The following CTNNA3 variants were observed in gnomAD, a reference collection of about 807,000 sequenced individuals.
The protein encoded by CTNNA3 is catenin alpha 3, also known as catenin alpha-3.
Under a neutral mutation model 95.7 loss-of-function variants are expected in CTNNA3, and 76 were observed. That is an observed-to-expected ratio of 0.79 (90% CI 0.66 to 0.96). The LOEUF is 0.96. Ranked by LOEUF, CTNNA3 falls within the 40% of genes least tolerant of loss-of-function variation. The pLI, the probability that CTNNA3 is intolerant of heterozygous loss-of-function variation, is 0.00. For missense variants in CTNNA3, 1,191 were observed against 1,089.8 expected (o/e 1.09, Z -1.31); for synonymous variants, 431 against 374.4 (o/e 1.15, Z -1.74).
At chr10:66,033,959 G>T (rs969006850) in intron 15 of CTNNA3, among the ~76,000 whole-genome samples, 9 of 152,160 alleles carry the variant, frequency 5.9e-5, no homozygotes, top group Admixed American at 5.9e-4. Context: ...CACTTGTGAG[G>T]CCTTCAGTTA....
In CTNNA3 at chr10:67,341,895, C is replaced by T. The variant is rs371733140; in HGVS notation, c.580-122025G>A. ...TTTTGGGTATAAGCCATTTTAACTA[C>T]GGTGAGATGATGTATAATTATAGTC... On this transcript the variant is annotated intron_variant, in intron 5 of 17. Transcript: ENST00000433211. Among the ~76,000 whole-genome samples, 431 of 151,834 alleles carry T rather than the reference C, an allele frequency of 2.8e-3. 2 individuals carry two copies. Among genetic ancestry groups the T allele is most frequent in the African/African-American group, 9.8e-3 (406 of 41,432 alleles).
intron 13 of CTNNA3, among the ~76,000 whole-genome samples, chr10:66,255,603 C>G (rs1248491550): frequency 6.6e-6 from 1 of 152,106 alleles, no homozygotes; most frequent in African/African-American, 2.4e-5. Context: ...TTACCTACAC[C>G]CTTTCCATCT....
At chr10:66,484,437 T>G (rs984753762) in intron 11 of CTNNA3, among the ~76,000 whole-genome samples, 3 of 152,020 alleles carry the variant, frequency 2.0e-5, no homozygotes, top group Non-Finnish European at 4.4e-5. Flanking sequence ...TTGTATATTT[T>G]AGGATATAAA....
chr10:66,515,498 A>G (rs1363868387), intron 11 of CTNNA3, among the ~76,000 whole-genome samples: 1 of 152,134 alleles, frequency 6.6e-6, no homozygotes, highest in Admixed American at 6.5e-5. Context: ...CTGACAAAAG[A>G]GGAACCAGAA....
intron 1 of CTNNA3, among the ~76,000 whole-genome samples, chr10:67,729,175 TC>T (rs1841261093): frequency 6.6e-6 from 1 of 152,162 alleles, no homozygotes. Context: ...TATTCCCTTT[TC>T]TTATTGTTCC....
chr10:66,231,766 A>G (rs1450560649), intron 13 of CTNNA3, among the ~76,000 whole-genome samples: 1 of 152,216 alleles, frequency 6.6e-6, no homozygotes, highest in African/African-American at 2.4e-5. Context: ...TTATTATCCA[A>G]TTATCCACAG....
chr10:66,555,007 C>A (rs1023042701), intron 10 of CTNNA3, among the ~76,000 whole-genome samples: 1 of 152,004 alleles, frequency 6.6e-6, no homozygotes, highest in Non-Finnish European at 1.5e-5. Context: ...AATTTCAGAT[C>A]TGGGATGATA....
rs1243542844 is a variant in CTNNA3 at position 67,566,061 on chromosome 10, A to G, written c.293-26392T>C. Among the ~76,000 whole-genome samples, 387 of 94,244 alleles carry G rather than the reference A, an allele frequency of 4.1e-3. 61 individuals are homozygous for G. The highest frequency in any genetic ancestry group is 0.015 in the African/African-American group (371 of 24,952). The allele number at this position is 94,244 out of a possible 152,430, so 61.8% of individuals were successfully genotyped here. On this transcript the variant is annotated intron_variant, in intron 3 of 17. Transcript: ENST00000433211. Reference sequence around the variant, plus strand: ...TGTGTGTGTATATATATATATATATATATATATATATACAAAACCTAGGCA... The same window carrying G: ...TGTGTGTGTATATATATATATATATGTATATATATATACAAAACCTAGGCA...
At chr10:67,474,780 G>A (rs752104324) in intron 5 of CTNNA3, among the ~76,000 whole-genome samples, 8 of 152,162 alleles carry the variant, frequency 5.3e-5, no homozygotes, top group Non-Finnish European at 8.8e-5. Flanking sequence ...ACTACAAAAT[G>A]CCTGTGAGGA....
intron 11 of CTNNA3, among the ~76,000 whole-genome samples, chr10:66,421,895 G>T (rs1418599220): frequency 1.7e-5 from 1 of 59,212 alleles, no homozygotes; most frequent in Non-Finnish European, 3.0e-5. Context: ...CATAATAAAT[G>T]TGATATATAT....
chr10:66,706,243 C>T (rs1848112357), intron 9 of CTNNA3, among the ~76,000 whole-genome samples: 1 of 151,996 alleles, frequency 6.6e-6, no homozygotes, highest in African/African-American at 2.4e-5. Context: ...TTCCATCCTT[C>T]ATCCATTCAT....
At chr10:66,362,979 C>T (rs904620808) in intron 12 of CTNNA3, among the ~76,000 whole-genome samples, 1 of 151,970 alleles carries the variant, frequency 6.6e-6, no homozygotes, top group Non-Finnish European at 1.5e-5. Flanking sequence ...TAAATAAATT[C>T]CTTCATTATA....
rs1274109672 is a variant in CTNNA3 at position 67,566,043 on chromosome 10, G to GTGTATATA, written c.293-26375_293-26374insTATATACA. On this transcript the variant is annotated intron_variant, in intron 3 of 17. Transcript: ENST00000433211. ...CACACACACACACATATGTGTGTGT[G>GTGTATATA]TATATATATATATATATATATATAT... Among the ~76,000 whole-genome samples, 18 of 26,958 alleles carry GTGTATATA rather than the reference G, an allele frequency of 6.7e-4. 1 individual carries two copies. The highest frequency in any genetic ancestry group is 4.3e-3 in the South Asian group (2 of 466). The allele number at this position is 26,958 out of a possible 152,430, so 17.7% of individuals were successfully genotyped here.
At chr10:66,672,754 T>C (rs1055465525) in intron 9 of CTNNA3, among the ~76,000 whole-genome samples, 4 of 152,178 alleles carry the variant, frequency 2.6e-5, no homozygotes, top group Non-Finnish European at 4.4e-5. Flanking sequence ...ACTATCTTAA[T>C]ACCAAGTGCT....
chr10:67,082,255 T>G (rs1443005588), intron 7 of CTNNA3, among the ~76,000 whole-genome samples: 3 of 152,192 alleles, frequency 2.0e-5, no homozygotes, highest in African/African-American at 7.2e-5. Context: ...TATTAGTTGG[T>G]TTTAACCGCT....
At chr10:67,416,669 G>C (rs1051511579) in intron 5 of CTNNA3, among the ~76,000 whole-genome samples, 1 of 130,910 alleles carries the variant, frequency 7.6e-6, no homozygotes, top group African/African-American at 2.9e-5. Context: ...CTTCTCAAAA[G>C]AAGATAAGTG....
At chr10:66,541,710 A>T (rs1212290059) in intron 10 of CTNNA3, among the ~76,000 whole-genome samples, 1 of 152,128 alleles carries the variant, frequency 6.6e-6, no homozygotes, top group Admixed American at 6.5e-5. Context: ...ATAAACTCTT[A>T]GATTGTGAAA....
intron 7 of CTNNA3, among the ~76,000 whole-genome samples, chr10:66,833,532 G>T (rs895682372): frequency 2.0e-5 from 3 of 152,114 alleles, no homozygotes; most frequent in African/African-American, 7.2e-5. Flanking sequence ...ACAAGTCAGG[G>T]TTTATTATTT....
intron 7 of CTNNA3, among the ~76,000 whole-genome samples, chr10:66,951,951 C>G (rs577552902): frequency 9.8e-4 from 149 of 152,304 alleles, no homozygotes; most frequent in African/African-American, 3.3e-3. Flanking sequence ...TGTCTCAGAA[C>G]TCTTTAGATA....
Sources: gnomAD v4.1 joint callset for allele counts (sites outside exome capture counted in the v4.1 genomes callset) on GRCh38, gnomAD v4.1.1 for gene constraint, MANE v1.5 for transcripts, NCBI Gene and HGNC (gene_info 2026-07-23, HGNC 2026-07-21) for gene names.